MDN1: variants seen among roughly 807,000 people sequenced by gnomAD.
MDN1 encodes midasin AAA ATPase 1.
In MDN1, 266 loss-of-function variants were observed where a neutral mutation model predicts 669.2. The ratio of observed to expected loss-of-function variants is 0.40; its 90% CI spans 0.36 to 0.44. MDN1 has a LOEUF of 0.44. Ranked by LOEUF, MDN1 falls within the 20% of genes least tolerant of loss-of-function variation. The probability of loss-of-function intolerance (pLI) is 1.00; values close to 1 mark genes in which losing one functional copy is unlikely to be tolerated. For missense variants in MDN1, 5,940 were observed against 6,754.0 expected (o/e 0.88, Z 4.22); for synonymous variants, 2,385 against 2,457.1 (o/e 0.97, Z 0.87).
chr6:89,710,962 A>T (rs1813871237), intron 49 of MDN1, among the ~76,000 whole-genome samples, 168 bp from the exon 50 acceptor site: 1 of 152,216 alleles, frequency 6.6e-6, no homozygotes. Context: ...ATTTTTTTAA[A>T]TCTAATCTAC....
chr6:89,755,457 T>G (rs1053935090), intron 20 of MDN1, among the ~76,000 whole-genome samples: 2 of 152,032 alleles, frequency 1.3e-5, no homozygotes, highest in African/African-American at 4.8e-5. Flanking sequence ...TTTTCACTTA[T>G]CACAACCTAA....
intron 37 of MDN1, among the ~76,000 whole-genome samples, chr6:89,726,829 A>C (rs1380204625): frequency 6.6e-6 from 1 of 152,234 alleles, no homozygotes; most frequent in Non-Finnish European, 1.5e-5. Context: ...GGCAAAAATC[A>C]GAGCACACTA....
rs370149865 is a variant in MDN1 at position 89,692,754 on chromosome 6, T to C, written c.10276A>G (p.Met3426Val). Residue 3426 changes from methionine (M) to valine (V), a missense_variant, in exon 63 of 102, where the codon ATG becomes GTG. Physicochemically the swap from Met to Val is conservative, Grantham distance 21. Around this residue, in one of 5 missense-constraint regions of MDN1, gnomAD observed 150 missense variants for 234.2 expected, o/e 0.64. Transcript: ENST00000369393. ...GTCCCCAGCCTGTCTGCACCAACCA[T>C]ACTGCTGTGGAGTGAGGTGTGGAGC... ...SELHTSLHSS[M>V]VGADRLGTLA... The C allele has an allele frequency of 7.4e-6, 12 of 1,613,918 alleles. No individual in the cohort carries two copies. The African/African-American group carries it at 1.2e-4, about 16-fold the overall frequency.
At chr6:89,645,354 G>C (rs1353861038) in intron 100 of MDN1, among the ~76,000 whole-genome samples, 197 bp from the exon 101 acceptor site, 2 of 152,206 alleles carry the variant, frequency 1.3e-5, no homozygotes, top group African/African-American at 4.8e-5. Context: ...GCTTGAGTCA[G>C]AGACAAGGCA....
intron 54 of MDN1, 94 bp downstream of exon 54, chr6:89,701,810 A>G (rs1813180586): frequency 3.3e-6 from 5 of 1,525,898 alleles, no homozygotes; most frequent in Non-Finnish European, 4.4e-6. Context: ...GGAATAAACC[A>G]AAATAAAGCA....
Position 89,678,765 on chromosome 6 carries a change from G to C in MDN1, c.12266-20C>G, listed in dbSNP as rs376902956. Reference sequence around the variant, plus strand: ...CTTCACCTGTAAGGGAAAACAAGGCGGGGAGGGGAGACAATAAGAAAATCC... The same window carrying C: ...CTTCACCTGTAAGGGAAAACAAGGCCGGGAGGGGAGACAATAAGAAAATCC... On this transcript the variant is annotated intron_variant, in intron 74 of 101. Transcript: ENST00000369393. The C allele has an allele frequency of 1.9e-6, 3 of 1,598,604 alleles. No homozygotes were observed. Among genetic ancestry groups the C allele is most frequent in the Non-Finnish European group, 2.6e-6 (3 of 1,171,950 alleles).
chr6:89,764,212 T>C (rs1817691788), intron 15 of MDN1, among the ~76,000 whole-genome samples: 1 of 152,122 alleles, frequency 6.6e-6, no homozygotes, highest in Non-Finnish European at 1.5e-5. Context: ...CAAGAACTCA[T>C]CCCTTTATAA....
At chr6:89,674,690 T>A in intron 78 of MDN1, 101 bp from the exon 79 acceptor site, 1 of 1,435,854 alleles carries the variant, frequency 7.0e-7, no homozygotes, top group Non-Finnish European at 9.2e-7. Context: ...AAGCATGGGC[T>A]TTTTCATACA....
At chr6:89,796,199 C>T (rs1215753315) in intron 2 of MDN1, among the ~76,000 whole-genome samples, 3 of 151,182 alleles carry the variant, frequency 2.0e-5, no homozygotes, top group Non-Finnish European at 4.4e-5. Flanking sequence ...TGGTGCATGC[C>T]TGTAATCCCA....
chr6:89,780,318 A>T (rs763494665), intron 10 of MDN1, 25 bp from the exon 11 acceptor site: 42 of 1,483,174 alleles, frequency 2.8e-5, no homozygotes, highest in Non-Finnish European at 3.7e-5. Context: ...AAGAAAAGAA[A>T]AAACAAAGAA....
Position 89,642,962 on chromosome 6 carries a change from G to GAGAT in MDN1, c.*1039_*1042dup, listed in dbSNP as rs1159708734. 10 of 152,230 alleles carry GAGAT rather than the reference G, an allele frequency of 6.6e-5. No individual in the cohort carries two copies. Among genetic ancestry groups the GAGAT allele is most frequent in the Non-Finnish European group, 8.8e-5 (6 of 68,038 alleles). The allele number at this position is 152,230 out of a possible 1,614,324, so 9.4% of individuals were successfully genotyped here. ...ACAGTGTAACTTGGAAACAGACAAG[G>GAGAT]AGATAGATGATTACATCATGACATA... On this transcript the variant is annotated 3_prime_UTR_variant, in exon 102 of 102. Coordinates refer to ENST00000369393, the MANE Select transcript of MDN1 (RefSeq NM_014611.3).
chr6:89,814,207 G>A (rs927562291), intron 1 of MDN1, among the ~76,000 whole-genome samples: 5 of 152,086 alleles, frequency 3.3e-5, no homozygotes, highest in Non-Finnish European at 5.9e-5. Flanking sequence ...GGGAATGGGT[G>A]GTCAGACACG....
Position 89,815,303 on chromosome 6 carries a change from G to A in MDN1, c.102+4203C>T, listed in dbSNP as rs569747085. 14 of 477,066 alleles carry A rather than the reference G, an allele frequency of 2.9e-5. No individual in the cohort carries two copies. In the East Asian group the frequency reaches 7.1e-4, roughly 24 times the overall value. 29.6% of individuals were successfully genotyped at this position (477,066 alleles called of 1,614,324 possible). ...TAGCACCTATGGGGAGCAGGAATTC[G>A]GCATCTCCAGAAGCTGTCCCAAGAG... is the stretch of plus-strand genomic sequence containing the variant. On this transcript the variant is annotated intron_variant, in intron 1 of 101. Transcript: ENST00000369393.
chr6:89,690,360 G>A (rs1187354516), intron 64 of MDN1, among the ~76,000 whole-genome samples: 1 of 152,170 alleles, frequency 6.6e-6, no homozygotes, highest in Non-Finnish European at 1.5e-5. Context: ...ATCACTTGAG[G>A]TCAGGAGTTT....
Position 89,654,216 on chromosome 6 carries a change from G to A in MDN1, c.15609C>T (p.Asp5203=), listed in dbSNP as rs578036313. The change falls in exon 93 of 102, where the codon GAC becomes GAT. Residue 5203 remains aspartate (D), a synonymous_variant. Transcript: ENST00000369393. ...TEEQEEFKAA[D]VEQLKPEEIK... ...TTTCCTCTGGCTTCAGCTGCTCCAC[G>A]TCTGCTGCTTTGAACTCCTCCTGCT... 7.0e-5 allele frequency: 113 copies of A among 1,614,196 alleles called. 2 individuals are homozygous for A. Among genetic ancestry groups the A allele is most frequent in the South Asian group, 6.9e-4 (63 of 91,086 alleles).
Position 89,670,978 on chromosome 6 carries a change from G to C in MDN1, c.13897C>G (p.Arg4633Gly), listed in dbSNP as rs759752648. Residue 4633 changes from arginine to glycine, a missense_variant, in exon 83 of 102, where the codon CGT becomes GGT. By Grantham distance (125) the Arg-to-Gly change is moderately radical (BLOSUM62 -2). Around this residue, in one of 5 missense-constraint regions of MDN1, gnomAD observed 2,280 missense variants for 2,576.3 expected, o/e 0.88. Transcript: ENST00000369393. ...FFLTMSLATH[R>G]STAKLLSVLA... ...ACAGAGAGCAGCTTTGCAGTACTAC[G>C]GTGAGTTGCTAAAGACATGGTCAGG... 1 of 1,614,114 alleles carries C rather than the reference G, an allele frequency of 6.2e-7. No individual in the cohort carries two copies. Among genetic ancestry groups the C allele is most frequent in the Non-Finnish European group, 8.5e-7 (1 of 1,180,004 alleles).
chr6:89,654,339 C>T lies in MDN1; in HGVS notation c.15491-5G>A. The T allele has an allele frequency of 6.2e-7, 1 of 1,614,064 alleles. No homozygotes were observed. Among genetic ancestry groups the T allele is most frequent in the Non-Finnish European group, 8.5e-7 (1 of 1,179,966 alleles). Reference sequence around the variant, plus strand: ...GCTGTTCTTTGCTGGCCACATCTGTCAACAAAGCACGCACCCACACATAAA... The same window carrying T: ...GCTGTTCTTTGCTGGCCACATCTGTTAACAAAGCACGCACCCACACATAAA... On this transcript the variant is annotated splice_polypyrimidine_tract_variant and splice_region_variant and intron_variant, in intron 92 of 101. Coordinates refer to ENST00000369393, the MANE Select transcript of MDN1 (RefSeq NM_014611.3).
chr6:89,743,377 C>T (rs898983810), intron 30 of MDN1, 97 bp from the exon 31 acceptor site: 25 of 1,491,652 alleles, frequency 1.7e-5, no homozygotes, highest in African/African-American at 7.0e-5. Flanking sequence ...AGTAGGCATT[C>T]TGAGGAAAGT....
chr6:89,700,246 T>C lies in MDN1; in HGVS notation c.8687A>G (p.Lys2896Arg), dbSNP rs780568643. The change falls in exon 57 of 102, where the codon AAA becomes AGA. Residue 2896 changes from lysine to arginine, a missense_variant. Coordinates refer to ENST00000369393, the MANE Select transcript of MDN1 (RefSeq NM_014611.3). ...VHAQCLELKA[K>R]GLSLGFLEKK... The stretch of plus-strand genomic sequence containing the variant: ...CTCCAGAAAACCAAGTGAGAGTCCT[T>C]TGGCTTTCAGTTCTAAACACTGAGC... 1.9e-6 allele frequency: 3 copies of C among 1,614,222 alleles called. No individual in the cohort carries two copies. The South Asian group carries it at 3.3e-5, about 18-fold the overall frequency.
Sources: gnomAD v4.1 joint callset for allele counts (sites outside exome capture counted in the v4.1 genomes callset) on GRCh38, gnomAD v4.1.1 for gene constraint, gnomAD v4.1.1 regional missense constraint, MANE v1.5 for transcripts, NCBI Gene and HGNC (gene_info 2026-07-23, HGNC 2026-07-21) for gene names.